The following PHEX variants were observed in gnomAD, a reference collection of about 807,000 sequenced individuals.
PHEX encodes the protein phosphate-regulating neutral endopeptidase PHEX.
In PHEX, 16 loss-of-function variants were observed where a neutral mutation model predicts 68.0. That is an observed-to-expected ratio of 0.24 (90% CI 0.16 to 0.36). PHEX has a LOEUF of 0.36. Ranked by LOEUF, PHEX falls within the 10% of genes least tolerant of loss-of-function variation. The pLI, the probability that PHEX is intolerant of heterozygous loss-of-function variation, is 1.00. For synonymous variants in PHEX, 208 were observed against 205.1 expected (o/e 1.01, Z -0.12); for missense variants, 480 against 575.5 (o/e 0.83, Z 1.70).
chrX:22,156,896 C>A (rs1932966529), intron 12 of PHEX, among the ~76,000 whole-genome samples: 1 of 109,357 alleles, frequency 9.1e-6, no homozygotes, highest in African/African-American at 3.3e-5. Context: ...TAATTTTTAT[C>A]ATTTGGGACA....
At chrX:22,231,645 A>G (rs1390759020) in intron 20 of PHEX, among the ~76,000 whole-genome samples, 2 of 111,012 alleles carry the variant, frequency 1.8e-5, no homozygotes, top group Admixed American at 9.5e-5. Flanking sequence ...TATTGCGACT[A>G]TTTGATTCTT....
chrX:22,230,989 G>C (rs772621070), intron 20 of PHEX, among the ~76,000 whole-genome samples: 1 of 111,799 alleles, frequency 8.9e-6, no homozygotes, highest in African/African-American at 3.3e-5. Flanking sequence ...TAGCATCAAG[G>C]GGTGTTGAAT....
At chrX:22,210,056 C>A (rs952139738) in intron 15 of PHEX, among the ~76,000 whole-genome samples, 2 of 111,600 alleles carry the variant, frequency 1.8e-5, no homozygotes, top group African/African-American at 6.5e-5. Flanking sequence ...GCTTATTTTT[C>A]ACTTCTACCT....
intron 2 of PHEX, among the ~76,000 whole-genome samples, chrX:22,042,356 T>G (rs1030424395): frequency 4.5e-5 from 5 of 112,294 alleles, no homozygotes; most frequent in Non-Finnish European, 9.4e-5. Flanking sequence ...ACAGGCTGAC[T>G]GGGTTTGAAG....
intron 12 of PHEX, among the ~76,000 whole-genome samples, chrX:22,164,705 A>G (rs763913319): frequency 1.8e-5 from 2 of 111,780 alleles, no homozygotes; most frequent in Non-Finnish European, 1.9e-5. Context: ...CTCCAAAACT[A>G]TCTGGAATTC....
chrX:22,235,298 C>T (rs1455192559), intron 20 of PHEX, among the ~76,000 whole-genome samples: 1 of 112,138 alleles, frequency 8.9e-6, no homozygotes, highest in East Asian at 2.8e-4. Context: ...ATTTGGCCAT[C>T]TTCTAGTTCT....
Position 22,111,696 on chromosome X carries a change from T to TTG in PHEX, c.1173+151_1173+152dup, listed in dbSNP as rs373602137. ...GTTTGTAGCCCAAGCTCTATTGTTT[T>TTG]TGTGTGTGTGTGTGTGCCTTATTTA... is the stretch of plus-strand genomic sequence containing the variant. On this transcript the variant is annotated intron_variant, in intron 10 of 21. Transcript: ENST00000379374. The TTG allele has an allele frequency of 7.3e-4, 374 of 514,115 alleles. 2 individuals carry two copies. The highest frequency in any genetic ancestry group is 5.6e-3 in the African/African-American group (234 of 41,958). The allele number at this position is 514,115 out of a possible 1,213,427, so 42.4% of individuals were successfully genotyped here. A position where few individuals can be genotyped will look rare whatever the true frequency, so the allele number is the denominator to read the frequency against.
At chrX:22,054,028 T>C (rs1409123285) in intron 3 of PHEX, among the ~76,000 whole-genome samples, 3 of 112,502 alleles carry the variant, frequency 2.7e-5, no homozygotes, top group Non-Finnish European at 5.6e-5. Context: ...TAAAGTCATT[T>C]AGTGATTAGG....
chrX:22,056,742 A>G (rs899301798), intron 3 of PHEX, among the ~76,000 whole-genome samples: 1 of 104,417 alleles, frequency 9.6e-6, no homozygotes, highest in African/African-American at 3.5e-5. Flanking sequence ...AGCCTGCGTG[A>G]CAGAGCGAGA....
At chrX:22,136,037 ATTT>A (rs72378507) in intron 12 of PHEX, among the ~76,000 whole-genome samples, 1,100 of 101,370 alleles carry the variant, frequency 0.011, 15 homozygotes, top group African/African-American at 0.036. Context: ...GAAGATGTAA[ATTT>A]TTTTTTTTTT....
intron 11 of PHEX, among the ~76,000 whole-genome samples, chrX:22,118,526 G>A (rs902187521): frequency 1.8e-5 from 2 of 110,064 alleles, no homozygotes; most frequent in Non-Finnish European, 3.8e-5. Context: ...AAAACCCTGC[G>A]TTAGGACCTC....
chrX:22,073,224 G>A lies in PHEX; in HGVS notation c.350-3164G>A, dbSNP rs1373454492. ...ATTACTTGACAGTTTTGTATAGGGC[G>A]AATTCTGCCTGTAATCCTGTTTAAG... On this transcript the variant is annotated intron_variant, in intron 3 of 21. Transcript: ENST00000379374. 1.1e-4 allele frequency among the ~76,000 whole-genome samples: 12 copies of A among 112,849 alleles called. No individual in the cohort carries two copies. The East Asian group carries it at 1.7e-3, about 16-fold the overall frequency.
chrX:22,078,425 G>A (rs1271925150), intron 5 of PHEX, among the ~76,000 whole-genome samples: 2 of 111,984 alleles, frequency 1.8e-5, no homozygotes, highest in Non-Finnish European at 3.8e-5. Context: ...GTTTTGTTTT[G>A]TTTTGCTTCC....
At position 22,056,672 on chromosome X, in the gene PHEX, G is replaced by A. The variant is rs189381914; in HGVS notation, c.349+9461G>A. 7.9e-4 allele frequency among the ~76,000 whole-genome samples: 86 copies of A among 108,668 alleles called. 1 individual carries two copies. The highest frequency in any genetic ancestry group is 2.7e-3 in the African/African-American group (80 of 29,954). The allele number at this position is 108,668 out of a possible 115,157, so 94.4% of individuals were successfully genotyped here. A position where few individuals can be genotyped will look rare whatever the true frequency, so the allele number is the denominator to read the frequency against. ...AAAAGTTAGTCTGGCGTGGTGGCGG[G>A]AGCCTGTAATCCCAGCTACTGGGAG... On this transcript the variant is annotated intron_variant, in intron 3 of 21. Coordinates refer to ENST00000379374, the MANE Select transcript of PHEX (RefSeq NM_000444.6).
intron 12 of PHEX, 44 bp from the exon 13 acceptor site, chrX:22,168,268 A>T: frequency 1.1e-6 from 1 of 903,057 alleles, no homozygotes; most frequent in Non-Finnish European, 1.6e-6. Flanking sequence ...TTAATGATTT[A>T]AGTGCTGAAA....
intron 15 of PHEX, among the ~76,000 whole-genome samples, chrX:22,193,128 T>C (rs12353821): frequency 0.067 from 7,413 of 110,974 alleles, 653 homozygotes; most frequent in African/African-American, 0.23. Context: ...GCATATGTTA[T>C]ATGGGAACTT....
In PHEX at chrX:22,182,790, T is replaced by C. The variant is rs2040393; in HGVS notation, c.1586+4414T>C. Among the ~76,000 whole-genome samples the C allele has an allele frequency of 6.3e-3, 707 of 111,862 alleles. 3 individuals are homozygous for C. Among genetic ancestry groups the C allele is most frequent in the African/African-American group, 0.022 (684 of 30,829 alleles). ...CCCACTGGGGCAGCAAAGCTGCTGA[T>C]TTCCCAGCCAGCCTTTTTCTGACAA... On this transcript the variant is annotated intron_variant, in intron 14 of 21. Transcript: ENST00000379374.
chrX:22,203,151 G>A (rs1934610149), intron 15 of PHEX, among the ~76,000 whole-genome samples: 2 of 111,423 alleles, frequency 1.8e-5, no homozygotes, highest in South Asian at 3.8e-4. Flanking sequence ...CATCCCAGGA[G>A]CCCCTTCTGT....
chrX:22,102,708 A>C (rs181383902), intron 9 of PHEX, among the ~76,000 whole-genome samples: 5 of 112,686 alleles, frequency 4.4e-5, no homozygotes, highest in Non-Finnish European at 9.4e-5. Context: ...TCAGTGGTGG[A>C]ACCAATGTGA....
Sources: allele counts gnomAD v4.1 joint callset (sites outside exome capture counted in the v4.1 genomes callset), GRCh38; gene constraint gnomAD v4.1.1; transcripts MANE v1.5; gene names NCBI Gene and HGNC (gene_info 2026-07-23, HGNC 2026-07-21).